IGFBP2: variants seen among roughly 807,000 people sequenced by gnomAD.
IGFBP2 encodes the protein insulin like growth factor binding protein 2.
Under a neutral mutation model 26.2 loss-of-function variants are expected in IGFBP2, and 12 were observed. The ratio of observed to expected loss-of-function variants is 0.46; its 90% CI spans 0.29 to 0.74. The LOEUF (loss-of-function observed/expected upper bound fraction) is 0.74. Among genes scored for constraint, IGFBP2 ranks in the 30% least tolerant of loss-of-function variants. The pLI, the probability that IGFBP2 is intolerant of heterozygous loss-of-function variation, is 0.09. For missense variants in IGFBP2, 328 were observed against 441.2 expected (o/e 0.74, Z 2.30); for synonymous variants, 189 against 200.6 (o/e 0.94, Z 0.49).
chr2:216,651,870 T>C (rs9341167), intron 1 of IGFBP2, among the ~76,000 whole-genome samples: 8 of 152,254 alleles, frequency 5.3e-5, no homozygotes, highest in Admixed American at 3.3e-4. Context: ...CAAGCGATTC[T>C]TGTGCCTCAG....
chr2:216,658,129 G>C (rs899756196), intron 1 of IGFBP2, among the ~76,000 whole-genome samples: 3 of 152,084 alleles, frequency 2.0e-5, no homozygotes, highest in Non-Finnish European at 2.9e-5. Context: ...TGTTTTCTTA[G>C]TGTCCTCTTT....
chr2:216,639,940 G>A (rs9341126), intron 1 of IGFBP2, among the ~76,000 whole-genome samples: 9,654 of 152,190 alleles, frequency 0.063, 336 homozygotes, highest in Non-Finnish European at 0.072. Flanking sequence ...ACTGCACCTG[G>A]CCTATTTTAA....
At chr2:216,645,998 G>GTGA (rs1316509898) in intron 1 of IGFBP2, among the ~76,000 whole-genome samples, 1 of 152,226 alleles carries the variant, frequency 6.6e-6, no homozygotes, top group African/African-American at 2.4e-5. Context: ...GGTAATTGAT[G>GTGA]TGATATACTA....
intron 1 of IGFBP2, among the ~76,000 whole-genome samples, chr2:216,648,714 T>C (rs974505637): frequency 6.6e-6 from 1 of 152,138 alleles, no homozygotes; most frequent in Non-Finnish European, 1.5e-5. Flanking sequence ...GTTCAAGCGA[T>C]TCTTCTGCCT....
rs1020975092 is a variant in IGFBP2, at chr2:216,633,655, C to G, written c.132C>G (p.Pro44=). The change falls in exon 1 of 4, where the codon CCC becomes CCG. Residue 44 remains proline (P), a synonymous_variant. Coordinates refer to ENST00000233809, the MANE Select transcript of IGFBP2 (RefSeq NM_000597.3). ...CGGAGGTGCTGTTCCGCTGCCCGCC[C>G]TGCACACCCGAGCGCCTGGCCGCCT... is the stretch of plus-strand genomic sequence containing the variant. The part of the protein sequence containing the change: ...ARAEVLFRCP[P]CTPERLAACG... 4.5e-4 allele frequency: 493 copies of G among 1,089,236 alleles called. 1 individual carries two copies. The African/African-American group carries it at 7.4e-3, about 16-fold the overall frequency. The allele number at this position is 1,089,236 out of a possible 1,614,324, so 67.5% of individuals were successfully genotyped here.
In IGFBP2 at chr2:216,633,579, CGCTGCTGCT is replaced by C; in HGVS notation, c.63_71del (p.Leu23_Leu25del). 2 of 1,016,400 alleles carry C rather than the reference CGCTGCTGCT, an allele frequency of 2.0e-6. No individual in the cohort carries two copies. Among genetic ancestry groups the C allele is most frequent in the Non-Finnish European group, 2.3e-6 (2 of 853,444 alleles). 63.0% of individuals were successfully genotyped at this position (1,016,400 alleles called of 1,614,324 possible). A position where few individuals can be genotyped will look rare whatever the true frequency, so the allele number is the denominator to read the frequency against. ...CCGCTGCCGCCGCCGCCGCTGCTGCCGCTGCTGCTGCTGCTACTGGGCGCGAGTGGCGGC... is the reference window on the plus strand; with the variant it reads ...CCGCTGCCGCCGCCGCCGCTGCTGCCGCTGCTACTGGGCGCGAGTGGCGGC... On this transcript the variant is annotated inframe_deletion, in exon 1 of 4. Transcript: ENST00000233809.
At position 216,633,602 on chromosome 2, in the gene IGFBP2, G is replaced by A; in HGVS notation, c.79G>A (p.Ala27Thr). The change falls in exon 1 of 4, where the codon GCG (alanine) becomes ACG (threonine). Residue 27 changes from alanine to threonine, a missense_variant. Coordinates refer to ENST00000233809, the MANE Select transcript of IGFBP2 (RefSeq NM_000597.3). ...LLPLLLLLLG[A>T]SGGGGGARAE... ...GCCGCTGCTGCTGCTGCTACTGGGC[G>A]CGAGTGGCGGCGGCGGCGGGGCGCG... is the stretch of plus-strand genomic sequence containing the variant. 1.0e-6 allele frequency: 1 copy of A among 958,682 alleles called. No individual in the cohort carries two copies. The highest frequency in any genetic ancestry group is 1.2e-6 in the Non-Finnish European group (1 of 818,474). 59.4% of individuals were successfully genotyped at this position (958,682 alleles called of 1,614,324 possible).
In IGFBP2 at chr2:216,635,200, C is replaced by A. The variant is rs80275741; in HGVS notation, c.442+1235C>A. 2.5e-3 allele frequency among the ~76,000 whole-genome samples: 378 copies of A among 152,058 alleles called. 3 individuals carry two copies. The highest frequency in any genetic ancestry group is 8.7e-3 in the African/African-American group (362 of 41,488). ...TGGAATTAGGGGTCAGAGTTGAAAT[C>A]TTTCTTCTGTTTCTCTAGCACATTT... is the stretch of plus-strand genomic sequence containing the variant. On this transcript the variant is annotated intron_variant, in intron 1 of 3. Coordinates refer to ENST00000233809, the MANE Select transcript of IGFBP2 (RefSeq NM_000597.3).
At chr2:216,643,910 A>G (rs959323614) in intron 1 of IGFBP2, among the ~76,000 whole-genome samples, 1 of 152,100 alleles carries the variant, frequency 6.6e-6, no homozygotes, top group African/African-American at 2.4e-5. Flanking sequence ...CACACTCACA[A>G]AGAGCAGGCT....
intron 1 of IGFBP2, among the ~76,000 whole-genome samples, chr2:216,649,677 C>T (rs1003354587): frequency 3.3e-5 from 5 of 152,212 alleles, no homozygotes; most frequent in African/African-American, 1.2e-4. Flanking sequence ...CCCCAGAGGA[C>T]CTTGGCTGAA....
At chr2:216,652,206 T>C (rs1697840231) in intron 1 of IGFBP2, among the ~76,000 whole-genome samples, 1 of 148,496 alleles carries the variant, frequency 6.7e-6, no homozygotes, top group African/African-American at 2.5e-5. Flanking sequence ...TGAGCTTTGC[T>C]CTTGTTGCCC....
At chr2:216,652,336 G>T (rs897025515) in intron 1 of IGFBP2, among the ~76,000 whole-genome samples, 3 of 152,166 alleles carry the variant, frequency 2.0e-5, no homozygotes, top group Non-Finnish European at 4.4e-5. Flanking sequence ...ACCATGCCTG[G>T]CTAATTTTTA....
In IGFBP2 at chr2:216,664,070, A is replaced by G. The variant is rs1233760174; in HGVS notation, c.944A>G (p.Glu315Gly). 1.2e-6 allele frequency: 2 copies of G among 1,612,960 alleles called. No homozygotes were observed. Among genetic ancestry groups the G allele is most frequent in the Non-Finnish European group, 1.7e-6 (2 of 1,179,774 alleles). ...ECHLFYNEQQ[E>G]ARGVHTQRMQ ...CATCTCTTCTACAATGAGCAGCAGGAGGCTCGCGGGGTGCACACCCAGCGG... is the reference window on the plus strand; with the variant it reads ...CATCTCTTCTACAATGAGCAGCAGGGGGCTCGCGGGGTGCACACCCAGCGG... The change falls in exon 4 of 4, where the codon GAG becomes GGG. Residue 315 changes from glutamate to glycine, a missense_variant. Transcript: ENST00000233809. The surrounding 1 kb of genome is among the most constrained non-coding windows in gnomAD (Gnocchi z 4.6).
rs1358653903 is a variant in IGFBP2, at chr2:216,660,443, AT to A, written c.443-112del. ...GGGCCCTGACAGGCCATCAGCACTC[AT>A]TAGCCGCGCGTCATCTCCACCCTCA... On this transcript the variant is annotated intron_variant, in intron 1 of 3. Coordinates refer to ENST00000233809, the MANE Select transcript of IGFBP2 (RefSeq NM_000597.3). 2.1e-5 allele frequency: 15 copies of A among 718,706 alleles called. No homozygotes were observed. The East Asian group carries it at 4.1e-4, about 19-fold the overall frequency. The allele number at this position is 718,706 out of a possible 1,614,324, so 44.5% of individuals were successfully genotyped here. A position where few individuals can be genotyped will look rare whatever the true frequency, so the allele number is the denominator to read the frequency against.
intron 1 of IGFBP2, among the ~76,000 whole-genome samples, chr2:216,639,607 T>C (rs1697572926): frequency 6.6e-6 from 1 of 152,028 alleles, no homozygotes; most frequent in Non-Finnish European, 1.5e-5. Context: ...AGTCTGTGTA[T>C]CTGGGAATTG....
rs1308727601 is a variant in IGFBP2, at chr2:216,664,056, C to T, written c.930C>T (p.Tyr310=). 1.2e-6 allele frequency: 2 copies of T among 1,613,714 alleles called. No homozygotes were observed. The highest frequency in any genetic ancestry group is 3.3e-5 in the Admixed American group (2 of 59,994). ...GGGACCCCGAGTGTCATCTCTTCTA[C>T]AATGAGCAGCAGGAGGCTCGCGGGG... ...IRGDPECHLF[Y]NEQQEARGVH... The change falls in exon 4 of 4, where the codon TAC becomes TAT. Residue 310 remains tyrosine (Y), a synonymous_variant. Transcript: ENST00000233809. This position sits in a 1 kb window ranked among gnomAD's most constrained non-coding sequence, Gnocchi z 4.6.
At chr2:216,644,986 A>G (rs1316269269) in intron 1 of IGFBP2, among the ~76,000 whole-genome samples, 3 of 152,336 alleles carry the variant, frequency 2.0e-5, no homozygotes, top group Admixed American at 6.5e-5. Context: ...TAATTAAGGC[A>G]TATCTTCTCA....
At chr2:216,656,190 C>T (rs1208594633) in intron 1 of IGFBP2, among the ~76,000 whole-genome samples, 3 of 152,054 alleles carry the variant, frequency 2.0e-5, no homozygotes, top group South Asian at 2.1e-4. Flanking sequence ...GTTGGATTGA[C>T]CTCTGGGACG....
chr2:216,657,492 C>G (rs1697941013), intron 1 of IGFBP2, among the ~76,000 whole-genome samples: 1 of 152,160 alleles, frequency 6.6e-6, no homozygotes, highest in African/African-American at 2.4e-5. Context: ...GGGTGTGGAC[C>G]TGGTGGCGCT....
Sources: allele counts gnomAD v4.1 joint callset (sites outside exome capture counted in the v4.1 genomes callset), GRCh38; gene constraint gnomAD v4.1.1; non-coding constraint Gnocchi (gnomAD v3.1); transcripts MANE v1.5; gene names NCBI Gene and HGNC (gene_info 2026-07-23, HGNC 2026-07-21).